The following SERPINA7 variants were observed in gnomAD, a reference collection of about 807,000 sequenced individuals.
SERPINA7 encodes serpin family A member 7, also known as thyroxine-binding globulin.
Under a neutral mutation model 16.0 loss-of-function variants are expected in SERPINA7, and 14 were observed. The observed-to-expected ratio is 0.88, with a 90% CI of 0.58 to 1.37. The LOEUF (loss-of-function observed/expected upper bound fraction) is 1.37. SERPINA7 is among the 40% of genes most tolerant of loss of function. SERPINA7 has a pLI of 0.00. For synonymous variants in SERPINA7, 140 were observed against 111.0 expected (o/e 1.26, Z -1.65); for missense variants, 335 against 296.6 (o/e 1.13, Z -0.95).
At position 106,033,355 on chromosome X, in the gene SERPINA7, G is replaced by A. The variant is rs746690554; in HGVS notation, c.*145C>T. On this transcript the variant is annotated 3_prime_UTR_variant, in exon 5 of 5. Coordinates refer to ENST00000372563, the MANE Select transcript of SERPINA7 (RefSeq NM_000354.6). ...TGCCATAGGATTGGCCTCTTCCACA[G>A]CCAACAAAGTTCAGCCAGGGTTCAA... 4.2e-6 allele frequency: 3 copies of A among 711,472 alleles called. No individual in the cohort carries two copies. In the South Asian group the frequency reaches 6.8e-5, roughly 16 times the overall value. The allele number at this position is 711,472 out of a possible 1,213,427, so 58.6% of individuals were successfully genotyped here. A position where few individuals can be genotyped will look rare whatever the true frequency, so the allele number is the denominator to read the frequency against.
At position 106,033,546 on chromosome X, in the gene SERPINA7, C is replaced by T; in HGVS notation, c.1202G>A (p.Arg401Lys). The T allele has an allele frequency of 5.0e-6, 6 of 1,211,095 alleles. No individual in the cohort carries two copies. The highest frequency in any genetic ancestry group is 6.7e-6 in the Non-Finnish European group (6 of 894,786). ...FMLLILERST[R>K]SILFLGKVVN... ...AACTTTCCCTAGAAAGAGAATACTC[C>T]TTGTGCTTCTCTCCAAAATCAACAA... Residue 401 changes from arginine to lysine, a missense_variant, in exon 5 of 5, where the codon AGG becomes AAG. Coordinates refer to ENST00000372563, the MANE Select transcript of SERPINA7 (RefSeq NM_000354.6).
In SERPINA7 at chrX:106,036,793, T is replaced by C. The variant is rs1335334999; in HGVS notation, c.266A>G (p.Gln89Arg). The C allele has an allele frequency of 8.3e-7, 1 of 1,211,085 alleles. No homozygotes were observed. The highest frequency in any genetic ancestry group is 1.1e-6 in the Non-Finnish European group (1 of 895,207). Residue 89 changes from glutamine to arginine, a missense_variant, in exon 2 of 5, where the codon CAA becomes CGA. Physicochemically the swap from Gln to Arg is conservative, Grantham distance 43. Coordinates refer to ENST00000372563, the MANE Select transcript of SERPINA7 (RefSeq NM_000354.6). ...CCCCAAGGTCTCCACAATCTCAGTTTGGGTGCTGCAGCAGGCCCCAAAGGA... is the reference window on the plus strand; with the variant it reads ...CCCCAAGGTCTCCACAATCTCAGTTCGGGTGCTGCAGCAGGCCCCAAAGGA... ...MLSFGACCST[Q>R]TEIVETLGFN...
At position 106,034,361 on chromosome X, in the gene SERPINA7, T is replaced by G. The variant is rs45613332; in HGVS notation, c.918A>C (p.Pro306=). The G allele has an allele frequency of 1.2e-5, 15 of 1,207,068 alleles. No individual in the cohort carries two copies. Among genetic ancestry groups the G allele is most frequent in the Non-Finnish European group, 1.6e-5 (14 of 892,609 alleles). The change falls in exon 4 of 5, where the codon CCA becomes CCC. Residue 306 remains proline (P), a synonymous_variant. Coordinates refer to ENST00000372563, the MANE Select transcript of SERPINA7 (RefSeq NM_000354.6). ...LQKGWVDLFV[P]KFSISATYDL... ...CATATGTGGCAGAAATGGAAAACTT[T>G]GGAACAAACAAGTCAACCCATCTGT...
chrX:106,033,759 G>T (rs1602745165), intron 4 of SERPINA7, 56 bp from the exon 5 acceptor site: 2 of 1,210,225 alleles, frequency 1.7e-6, no homozygotes, highest in Middle Eastern at 4.8e-4. Context: ...CAGTCTTTGG[G>T]AAGGTCTAGA....
chrX:106,034,150 A>T, intron 4 of SERPINA7, 85 bp downstream of exon 4: 1 of 1,002,168 alleles, frequency 1.0e-6, no homozygotes, highest in Non-Finnish European at 1.4e-6. Flanking sequence ...CAGATTGCTA[A>T]TTGGTAAAAT....
At position 106,032,818 on chromosome X, in the gene SERPINA7, T is replaced by C. The variant is rs1458842701; in HGVS notation, c.*682A>G. 2 of 113,011 alleles carry C rather than the reference T, an allele frequency of 1.8e-5. No homozygotes were observed. The highest frequency in any genetic ancestry group is 6.5e-5 in the African/African-American group (2 of 30,568). 9.3% of individuals were successfully genotyped at this position (113,011 alleles called of 1,213,427 possible). A position where few individuals can be genotyped will look rare whatever the true frequency, so the allele number is the denominator to read the frequency against. ...ATACAGAAAAAGAGGGTCTATGAGA[T>C]ATGACATGAATGAATTACTTTCTTT... On this transcript the variant is annotated 3_prime_UTR_variant, in exon 5 of 5. Coordinates refer to ENST00000372563, the MANE Select transcript of SERPINA7 (RefSeq NM_000354.6).
rs1301887643 is a variant in SERPINA7, at chrX:106,034,483, T to C, written c.897-101A>G. The C allele has an allele frequency of 1.1e-5, 8 of 731,389 alleles. No homozygotes were observed. In the Admixed American group the frequency reaches 1.9e-4, roughly 17 times the overall value. The allele number at this position is 731,389 out of a possible 1,213,427, so 60.3% of individuals were successfully genotyped here. A position where few individuals can be genotyped will look rare whatever the true frequency, so the allele number is the denominator to read the frequency against. ...TGGTATTATATTGGACTCTGCTTCT[T>C]CCCTGAGTATTGATAACCATTACTA... On this transcript the variant is annotated intron_variant, in intron 3 of 4. Coordinates refer to ENST00000372563, the MANE Select transcript of SERPINA7 (RefSeq NM_000354.6).
In SERPINA7 at chrX:106,034,334, G is replaced by T. The variant is rs756247839; in HGVS notation, c.945C>A (p.Asp315Glu). The T allele has an allele frequency of 3.0e-5, 36 of 1,205,346 alleles. No individual in the cohort carries two copies. The East Asian group carries it at 1.0e-3, about 35-fold the overall frequency. ...CCATCTTCAAAAGTGTGGCTCCAAG[G>T]TCATATGTGGCAGAAATGGAAAACT... ...VPKFSISATY[D>E]LGATLLKMGI... Residue 315 changes from aspartate (D) to glutamate (E), a missense_variant, in exon 4 of 5, where the codon GAC (aspartate) becomes GAA (glutamate). Physicochemically the swap from Asp to Glu is conservative, Grantham distance 45. Transcript: ENST00000372563.
At position 106,036,535 on chromosome X, in the gene SERPINA7, C is replaced by G; in HGVS notation, c.524G>C (p.Ser175Thr). ...NISAAKQEINSHVEMQTKGKV... is the reference protein window; with the variant it reads ...NISAAKQEINTHVEMQTKGKV... ...CCCTTTGGTTTGCATCTCCACATGACTGTTAATCTCCTGCTTGGCTGCAGA... is the reference window on the plus strand; with the variant it reads ...CCCTTTGGTTTGCATCTCCACATGAGTGTTAATCTCCTGCTTGGCTGCAGA... The change falls in exon 2 of 5, where the codon AGT becomes ACT. Residue 175 changes from serine to threonine, a missense_variant. Physicochemically the swap from Ser to Thr is moderately conservative, Grantham distance 58 (BLOSUM62 1). Transcript: ENST00000372563. The G allele has an allele frequency of 8.3e-7, 1 of 1,211,269 alleles. No individual in the cohort carries two copies. Among genetic ancestry groups the G allele is most frequent in the Non-Finnish European group, 1.1e-6 (1 of 895,110 alleles).
Position 106,036,548 on chromosome X carries a change from G to C in SERPINA7, c.511C>G (p.Gln171Glu). The C allele has an allele frequency of 1.7e-6, 2 of 1,211,260 alleles. No individual in the cohort carries two copies. The highest frequency in any genetic ancestry group is 2.2e-6 in the Non-Finnish European group (2 of 895,148). Residue 171 changes from glutamine (Q) to glutamate (E), a missense_variant, in exon 2 of 5, where the codon CAG becomes GAG. Transcript: ENST00000372563. Reference sequence around the variant, plus strand: ...ATCTCCACATGACTGTTAATCTCCTGCTTGGCTGCAGAAATGTTGGAGAAG... The same window carrying C: ...ATCTCCACATGACTGTTAATCTCCTCCTTGGCTGCAGAAATGTTGGAGAAG... ...TDFSNISAAKQEINSHVEMQT... is the reference protein window; with the variant it reads ...TDFSNISAAKEEINSHVEMQT...
chrX:106,034,357 A>C lies in SERPINA7; in HGVS notation c.922T>G (p.Phe308Val). The change falls in exon 4 of 5, where the codon TTT (phenylalanine) becomes GTT (valine). Residue 308 changes from phenylalanine (F) to valine (V), a missense_variant. Coordinates refer to ENST00000372563, the MANE Select transcript of SERPINA7 (RefSeq NM_000354.6). ...AGGTCATATGTGGCAGAAATGGAAA[A>C]CTTTGGAACAAACAAGTCAACCCAT... ...KGWVDLFVPK[F>V]SISATYDLGA... 8.3e-7 allele frequency: 1 copy of C among 1,208,585 alleles called. No homozygotes were observed. The highest frequency in any genetic ancestry group is 1.1e-6 in the Non-Finnish European group (1 of 892,696).
intron 4 of SERPINA7, 93 bp from the exon 5 acceptor site, chrX:106,033,796 GC>G (rs1277384712): frequency 8.3e-7 from 1 of 1,200,976 alleles, no homozygotes; most frequent in Non-Finnish European, 1.1e-6. Flanking sequence ...GAAAGGTGGG[GC>G]CGCCCCTTTG....
Position 106,037,006 on chromosome X carries a change from A to ATCAC in SERPINA7, c.52_53insGTGA (p.Ile18SerfsTer8). 1 of 1,209,210 alleles carries ATCAC rather than the reference A, an allele frequency of 8.3e-7. No individual in the cohort carries two copies. Among genetic ancestry groups the ATCAC allele is most frequent in the East Asian group, 3.0e-5 (1 of 33,786 alleles). ...TTTGCCTTCAGGTGATGCACAGTGG[A>ATCAC]TTGTAGCATGAAGCCCAAGTACCAA... On this transcript the variant is annotated frameshift_variant, in exon 2 of 5. Transcript: ENST00000372563. LOFTEE classifies it high-confidence loss of function.
At chrX:106,034,100 G>T in intron 4 of SERPINA7, 135 bp downstream of exon 4, 1 of 609,976 alleles carries the variant, frequency 1.6e-6, no homozygotes, top group Non-Finnish European at 2.7e-6. Context: ...ACTCTGGAGT[G>T]ATTCTAGCTT....
Position 106,036,844 on chromosome X carries a change from C to A in SERPINA7, c.215G>T (p.Ser72Ile), listed in dbSNP as rs1460784032. 8.3e-7 allele frequency: 1 copy of A among 1,209,245 alleles called. No individual in the cohort carries two copies. The highest frequency in any genetic ancestry group is 3.0e-5 in the East Asian group (1 of 33,674). The change falls in exon 2 of 5, where the codon AGC (serine) becomes ATC (isoleucine). Residue 72 changes from serine (S) to isoleucine (I), a missense_variant. Coordinates refer to ENST00000372563, the MANE Select transcript of SERPINA7 (RefSeq NM_000354.6). The part of the protein sequence containing the change: ...PDKNIFFSPV[S>I]ISAALVMLSF... ...AAGCATAACCAAAGCTGCAGAAATG[C>A]TCACAGGGGAAAAGAAGATGTTCTT...
Position 106,036,749 on chromosome X carries a change from G to A in SERPINA7, c.310C>T (p.Pro104Ser). The A allele has an allele frequency of 1.7e-6, 2 of 1,210,749 alleles. No homozygotes were observed. The highest frequency in any genetic ancestry group is 2.2e-6 in the Non-Finnish European group (2 of 894,988). The change falls in exon 2 of 5, where the codon CCA becomes TCA. Residue 104 changes from proline (P) to serine (S), a missense_variant. Transcript: ENST00000372563. ...ETLGFNLTDTPMVEIQHGFQH... is the reference protein window; with the variant it reads ...ETLGFNLTDTSMVEIQHGFQH... ...AAGCCATGCTGGATCTCTACCATTG[G>A]AGTGTCTGTGAGGTTGAACCCCAAG... is the stretch of plus-strand genomic sequence containing the variant.
intron 1 of SERPINA7, chrX:106,037,389 T>C (rs1602748166): frequency 4.0e-6 from 1 of 248,058 alleles, no homozygotes; most frequent in South Asian, 7.0e-5. Flanking sequence ...TCACTTTTTT[T>C]CTGAACTAGA....
At chrX:106,037,500 T>A (rs898266427) in intron 1 of SERPINA7, 39 of 119,165 alleles carry the variant, frequency 3.3e-4, no homozygotes, top group African/African-American at 1.3e-3. Context: ...TTTTTTCATC[T>A]GGCATTTTCT....
In SERPINA7 at chrX:106,032,480, T is replaced by C. The variant is rs1428327503; in HGVS notation, c.*1020A>G. 8.9e-6 allele frequency: 1 copy of C among 112,470 alleles called. No individual in the cohort carries two copies. Among genetic ancestry groups the C allele is most frequent in the Non-Finnish European group, 1.9e-5 (1 of 53,275 alleles). 9.3% of individuals were successfully genotyped at this position (112,470 alleles called of 1,213,427 possible). A position where few individuals can be genotyped will look rare whatever the true frequency, so the allele number is the denominator to read the frequency against. On this transcript the variant is annotated 3_prime_UTR_variant, in exon 5 of 5. Transcript: ENST00000372563. ...TTTATTTCAATATGGAAGTACAACA[T>C]CTGCAACAGTACTTATGCATTTTTT...
Sources: allele counts gnomAD v4.1 joint callset, GRCh38; gene constraint gnomAD v4.1.1; transcripts MANE v1.5; gene names NCBI Gene and HGNC (gene_info 2026-07-23, HGNC 2026-07-21).